CUX1: variants seen among roughly 807,000 people sequenced by gnomAD.
CUX1 encodes the protein protein CASP.
CUX1 carries 31 observed loss-of-function variants against 158.8 expected under a neutral mutation model. The ratio of observed to expected loss-of-function variants is 0.20; its 90% CI spans 0.15 to 0.26. The LOEUF is 0.26. Ranked by LOEUF, CUX1 falls within the 10% of genes least tolerant of loss-of-function variation. CUX1 has a pLI of 1.00. For missense variants in CUX1, 1,589 were observed against 2,014.6 expected (o/e 0.79, Z 4.04); for synonymous variants, 879 against 862.1 (o/e 1.02, Z -0.34).
intron 5 of CUX1, among the ~76,000 whole-genome samples, chr7:102,100,690 A>G (rs1341325899): frequency 6.6e-6 from 1 of 152,158 alleles, no homozygotes; most frequent in Non-Finnish European, 1.5e-5. Flanking sequence ...AGCAGGGGCC[A>G]GCACAATGGC....
intron 9 of CUX1, among the ~76,000 whole-genome samples, chr7:102,165,350 C>CTTTTTTTTT (rs533978049): frequency 9.5e-6 from 1 of 105,370 alleles, no homozygotes; most frequent in Non-Finnish European, 1.9e-5. Context: ...TAGGGGAAAG[C>CTTTTTTTTT]TTTTTTTTTT....
chr7:101,863,736 A>G (rs1053592244), intron 1 of CUX1, among the ~76,000 whole-genome samples: 1 of 152,108 alleles, frequency 6.6e-6, no homozygotes, highest in Non-Finnish European at 1.5e-5. Flanking sequence ...CCTGGCAACC[A>G]TGATTCCACT....
At position 102,178,479 on chromosome 7, in the gene CUX1, T is replaced by C. The variant is rs1225813033; in HGVS notation, c.839T>C (p.Ile280Thr). ...TTTTCTCCTCCCCAGGAGCAGGCCATAGAGGTGCTGACCCGCTCCAGCCTA... is the reference window on the plus strand; with the variant it reads ...TTTTCTCCTCCCCAGGAGCAGGCCACAGAGGTGCTGACCCGCTCCAGCCTA... ...IQKAPDVEQA[I>T]EVLTRSSLEV... The change falls in exon 11 of 24, where the codon ATA becomes ACA. Residue 280 changes from isoleucine (I) to threonine (T), a missense_variant. Transcript: ENST00000292535. 4 of 1,604,416 alleles carry C rather than the reference T, an allele frequency of 2.5e-6. No individual in the cohort carries two copies. The highest frequency in any genetic ancestry group is 3.4e-6 in the Non-Finnish European group (4 of 1,172,338).
chr7:102,035,461 C>T (rs1383794475), intron 3 of CUX1, among the ~76,000 whole-genome samples: 1 of 151,868 alleles, frequency 6.6e-6, no homozygotes, highest in African/African-American at 2.4e-5. Flanking sequence ...ACATTTTTGA[C>T]TATAATATTT....
intron 2 of CUX1, among the ~76,000 whole-genome samples, chr7:102,003,295 AACACACACACACACAC>A (rs56760446): frequency 1.1e-4 from 15 of 131,908 alleles, no homozygotes; most frequent in East Asian, 2.3e-4. Flanking sequence ...CCTGGTGCCG[AACACACACACACACAC>A]ACACACACAC....
intron 2 of CUX1, among the ~76,000 whole-genome samples, chr7:101,984,548 C>T (rs1375702127): frequency 6.6e-6 from 1 of 151,120 alleles, no homozygotes; most frequent in Non-Finnish European, 1.5e-5. Context: ...CCTGCACTCT[C>T]AGGCGAGCTG....
At chr7:102,053,764 A>G (rs911166680) in intron 3 of CUX1, among the ~76,000 whole-genome samples, 2 of 145,174 alleles carry the variant, frequency 1.4e-5, no homozygotes, top group African/African-American at 5.1e-5. Context: ...ATTCTGGAGT[A>G]TCTTTTCAAA....
At chr7:102,123,969 G>A (rs1384791956) in intron 8 of CUX1, among the ~76,000 whole-genome samples, 7 of 152,056 alleles carry the variant, frequency 4.6e-5, no homozygotes, top group Admixed American at 1.3e-4. Context: ...GGCCAATAAA[G>A]CAATCATATT....
rs1181541744 is a variant in CUX1, at chr7:101,987,579, C to T, written c.142-40519C>T. ...GACTCCGTGGGACAGGGGATACCCC[C>T]GGGGTCCCTTATAAGCCTGCTGACT... On this transcript the variant is annotated intron_variant, in intron 2 of 23. Coordinates refer to ENST00000292535, the MANE Select transcript of CUX1 (RefSeq NM_181552.4). Among the ~76,000 whole-genome samples, 7 of 152,214 alleles carry T rather than the reference C, an allele frequency of 4.6e-5. No homozygotes were observed. The East Asian group carries it at 1.2e-3, about 25-fold the overall frequency.
chr7:101,984,909 G>A (rs181857049), intron 2 of CUX1, among the ~76,000 whole-genome samples: 25 of 152,084 alleles, frequency 1.6e-4, no homozygotes, highest in South Asian at 2.1e-4. Context: ...TGCAGTTTTC[G>A]TTGTTTTAAA....
intron 1 of CUX1, among the ~76,000 whole-genome samples, chr7:101,899,020 C>T (rs1801861422): frequency 6.6e-6 from 1 of 152,244 alleles, no homozygotes; most frequent in Non-Finnish European, 1.5e-5. Flanking sequence ...CTGCCTGTGG[C>T]TTCTTATCTG....
intron 1 of CUX1, among the ~76,000 whole-genome samples, chr7:101,847,501 C>T (rs1266311530): frequency 3.9e-5 from 6 of 152,148 alleles, no homozygotes; most frequent in Non-Finnish European, 8.8e-5. Context: ...ACTTTGGGCA[C>T]TGCTGAACCT....
rs183734213 is a variant in CUX1 at position 102,083,596 on chromosome 7, G to A, written c.268+13179G>A. Among the ~76,000 whole-genome samples the A allele has an allele frequency of 3.4e-4, 50 of 147,394 alleles. 9 individuals carry two copies. The highest frequency in any genetic ancestry group is 6.9e-4 in the Admixed American group (10 of 14,590). On this transcript the variant is annotated intron_variant, in intron 4 of 23. Transcript: ENST00000292535. ...GCTGGGATTATGGGCATGAGCCACC[G>A]TGCCTGGCTTCTGTATACGTTTTAG...
intron 2 of CUX1, among the ~76,000 whole-genome samples, chr7:101,996,849 C>T (rs764285431): frequency 6.6e-6 from 1 of 152,020 alleles, no homozygotes; most frequent in African/African-American, 2.4e-5. Context: ...GCATACATAC[C>T]CTTCCACCCT....
chr7:102,054,571 T>TGTGGCA (rs1404915508), intron 3 of CUX1, among the ~76,000 whole-genome samples: 1 of 152,228 alleles, frequency 6.6e-6, no homozygotes, highest in Non-Finnish European at 1.5e-5. Flanking sequence ...AATTGGGAAG[T>TGTGGCA]GTGACTCCTC....
chr7:101,946,387 T>C lies in CUX1; in HGVS notation c.141+30162T>C, dbSNP rs527866868. ...GGTGAAACCCTGTCTCTACTAAAAA[T>C]ACAAAAATTAGCCCAGCGTGGTGGT... On this transcript the variant is annotated intron_variant, in intron 2 of 23. Coordinates refer to ENST00000292535, the MANE Select transcript of CUX1 (RefSeq NM_181552.4). 3.9e-5 allele frequency among the ~76,000 whole-genome samples: 6 copies of C among 152,024 alleles called. No individual in the cohort carries two copies. In the South Asian group the frequency reaches 1.0e-3, roughly 26 times the overall value.
rs199850961 is a variant in CUX1, at chr7:102,180,016, CGTT to C, written c.1017+1378_1017+1380del. Among the ~76,000 whole-genome samples, 548 of 152,098 alleles carry C rather than the reference CGTT, an allele frequency of 3.6e-3. 4 individuals are homozygous for C. The highest frequency in any genetic ancestry group is 0.025 in the East Asian group (132 of 5,178). ...TGTACTTAGGTCCATTGTGTTTTGTCGTTGTTGTTGTTGTTGTTGTTTTTGAGA... is the reference window on the plus strand; with the variant it reads ...TGTACTTAGGTCCATTGTGTTTTGTCGTTGTTGTTGTTGTTGTTTTTGAGA... On this transcript the variant is annotated intron_variant, in intron 11 of 23. Transcript: ENST00000292535.
intron 3 of CUX1, among the ~76,000 whole-genome samples, chr7:102,034,792 G>T (rs1227668955): frequency 6.6e-6 from 1 of 150,788 alleles, no homozygotes. Context: ...AATTAGCTGG[G>T]TGTGGTGGGT....
intron 2 of CUX1, among the ~76,000 whole-genome samples, chr7:102,006,672 C>T (rs181375076): frequency 8.3e-4 from 127 of 152,336 alleles, no homozygotes; most frequent in African/African-American, 2.8e-3. Flanking sequence ...CGTGAGCCAC[C>T]GTGCCCGGCC....
Sources: gnomAD v4.1 joint callset for allele counts (sites outside exome capture counted in the v4.1 genomes callset) on GRCh38, gnomAD v4.1.1 for gene constraint, MANE v1.5 for transcripts, NCBI Gene and HGNC (gene_info 2026-07-23, HGNC 2026-07-21) for gene names.